Variants in SP2 observed in about 807,000 individuals in gnomAD.
The protein encoded by SP2 is transcription factor Sp2.
Under a neutral mutation model 50.1 loss-of-function variants are expected in SP2, and 9 were observed. The ratio of observed to expected loss-of-function variants is 0.18; its 90% CI spans 0.11 to 0.31. SP2 has a LOEUF of 0.31. Among genes scored for constraint, SP2 ranks in the 10% least tolerant of loss-of-function variants. The pLI, the probability that SP2 is intolerant of heterozygous loss-of-function variation, is 1.00. For synonymous variants in SP2, 313 were observed against 326.6 expected (o/e 0.96, Z 0.45); for missense variants, 581 against 806.5 (o/e 0.72, Z 3.39).
intron 1 of SP2, among the ~76,000 whole-genome samples, chr17:47,910,131 G>A (rs2034925483): frequency 6.6e-6 from 1 of 152,150 alleles, no homozygotes; most frequent in African/African-American, 2.4e-5. Flanking sequence ...GAGCCACCAC[G>A]CCTGGCCAAC....
chr17:47,914,627 G>A (rs2035118315), intron 1 of SP2: 2 of 152,576 alleles, frequency 1.3e-5, no homozygotes, highest in African/African-American at 4.8e-5. Flanking sequence ...AGGAGTTCCA[G>A]TTTAGCTATG....
rs1478100359 is a variant in SP2, at chr17:47,922,989, G to C, written c.1087G>C (p.Val363Leu). 6.2e-7 allele frequency: 1 copy of C among 1,613,850 alleles called. No homozygotes were observed. The highest frequency in any genetic ancestry group is 8.5e-7 in the Non-Finnish European group (1 of 1,179,938). ...CTACATCCGCACGCCTTCCGGTGAG[G>C]TGCAGACAGTCCTTGTCCAGGACAG... ...QVYIRTPSGE[V>L]QTVLVQDSPP... The change falls in exon 4 of 7, where the codon GTG becomes CTG. Residue 363 changes from valine (V) to leucine (L), a missense_variant. Physicochemically the swap from Val to Leu is conservative, Grantham distance 32. Coordinates refer to ENST00000376741, the MANE Select transcript of SP2 (RefSeq NM_003110.6).
Position 47,927,946 on chromosome 17 carries a change from A to C in SP2, c.*122A>C, listed in dbSNP as rs1321775621. ...CCCTCAGCCCCACTCCTGTTCTGCA[A>C]CTGTCCCCACAGGAAGGGGCTCTGT... On this transcript the variant is annotated 3_prime_UTR_variant, in exon 7 of 7. Coordinates refer to ENST00000376741, the MANE Select transcript of SP2 (RefSeq NM_003110.6). The C allele has an allele frequency of 1.5e-6, 1 of 657,666 alleles. No homozygotes were observed. Among genetic ancestry groups the C allele is most frequent in the Admixed American group, 2.4e-5 (1 of 42,546 alleles). 40.7% of individuals were successfully genotyped at this position (657,666 alleles called of 1,614,324 possible). A position where few individuals can be genotyped will look rare whatever the true frequency, so the allele number is the denominator to read the frequency against.
intron 1 of SP2, among the ~76,000 whole-genome samples, chr17:47,903,241 C>T (rs978244026): frequency 2.0e-5 from 3 of 152,174 alleles, no homozygotes; most frequent in Admixed American, 1.3e-4. Context: ...AAGAAAGGTC[C>T]TGAGACAGAG....
rs760428766 is a variant in SP2, at chr17:47,896,237, G to C, written c.-50G>C. 2.4e-6 allele frequency: 3 copies of C among 1,239,146 alleles called. No individual in the cohort carries two copies. Among genetic ancestry groups the C allele is most frequent in the East Asian group, 3.1e-5 (1 of 31,778 alleles). 76.8% of individuals were successfully genotyped at this position (1,239,146 alleles called of 1,614,324 possible). A position where few individuals can be genotyped will look rare whatever the true frequency, so the allele number is the denominator to read the frequency against. On this transcript the variant is annotated 5_prime_UTR_variant, in exon 1 of 7. Transcript: ENST00000376741. ...GGCGGTTGCTTGGCGGGCGGTGTCA[G>C]GCTCTCGGTGGCGGCGGAGGCGGCG... is the stretch of plus-strand genomic sequence containing the variant.
intron 6 of SP2, among the ~76,000 whole-genome samples, chr17:47,926,721 C>T (rs945238217): frequency 6.6e-5 from 10 of 151,456 alleles, no homozygotes; most frequent in African/African-American, 1.5e-4. Context: ...CCTAGGAGTT[C>T]GAGACCAGCC....
intron 1 of SP2, chr17:47,900,218 C>T (rs1001497757): frequency 6.6e-6 from 1 of 152,206 alleles, no homozygotes; most frequent in Non-Finnish European, 1.5e-5. Context: ...TTTCTAGAGC[C>T]TTCTCTTTGG....
Position 47,917,101 on chromosome 17 carries a change from A to T in SP2, c.1030A>T (p.Ile344Phe), listed in dbSNP as rs1423077301. The T allele has an allele frequency of 6.2e-7, 1 of 1,612,282 alleles. No homozygotes were observed. Among genetic ancestry groups the T allele is most frequent in the Non-Finnish European group, 8.5e-7 (1 of 1,179,348 alleles). The change falls in exon 3 of 7, where the codon ATC (isoleucine) becomes TTC (phenylalanine). Residue 344 changes from isoleucine to phenylalanine, a missense_variant. This residue lies in a region of SP2 where 397 missense variants were observed against 491.0 expected (regional missense o/e 0.81). Coordinates refer to ENST00000376741, the MANE Select transcript of SP2 (RefSeq NM_003110.6). Reference sequence around the variant, plus strand: ...CCAGAAGCCCTCCCAGAACTTTCAGATCCAGGCAGCTGAGCCGACACCTAC... The same window carrying T: ...CCAGAAGCCCTCCCAGAACTTTCAGTTCCAGGCAGCTGAGCCGACACCTAC... ...VPQKPSQNFQ[I>F]QAAEPTPTQV... is the part of the protein sequence containing the mutation.
chr17:47,927,551 AAGATAT>A (rs2035699299), intron 6 of SP2, among the ~76,000 whole-genome samples, 167 bp from the exon 7 acceptor site: 1 of 137,764 alleles, frequency 7.3e-6, no homozygotes, highest in Non-Finnish European at 1.6e-5. Flanking sequence ...AAAAAAAAAA[AAGATAT>A]AGATGAGTAA....
chr17:47,912,829 C>A (rs966844848), intron 1 of SP2, among the ~76,000 whole-genome samples: 1 of 151,998 alleles, frequency 6.6e-6, no homozygotes, highest in Admixed American at 6.6e-5. Flanking sequence ...GTGAACGGTT[C>A]TGCTTTCCCA....
In SP2 at chr17:47,923,157, G is replaced by A. The variant is rs772547075; in HGVS notation, c.1255G>A (p.Gly419Arg). 1.3e-5 allele frequency: 21 copies of A among 1,614,080 alleles called. No individual in the cohort carries two copies. The highest frequency in any genetic ancestry group is 2.7e-5 in the African/African-American group (2 of 74,936). The change falls in exon 4 of 7, where the codon GGG becomes AGG. Residue 419 changes from glycine to arginine, a missense_variant. This residue lies in a region of SP2 where 184 missense variants were observed against 315.5 expected (regional missense o/e 0.58). Transcript: ENST00000376741. Reference protein sequence around the residue: ...ERPLPKIAPAGSIISLNAAQL... With the variant: ...ERPLPKIAPARSIISLNAAQL... ...TCCCCTGCCAAAGATTGCCCCAGCC[G>A]GGAGCATCATCAGCCTGAATGCAGC...
At chr17:47,914,240 A>G (rs1168484626) in intron 1 of SP2, among the ~76,000 whole-genome samples, 3 of 152,132 alleles carry the variant, frequency 2.0e-5, no homozygotes, top group African/African-American at 4.8e-5. Context: ...GCATGGTGGT[A>G]CATGCCTGTA....
At chr17:47,905,459 G>A (rs1035219239) in intron 1 of SP2, among the ~76,000 whole-genome samples, 2 of 152,214 alleles carry the variant, frequency 1.3e-5, no homozygotes, top group African/African-American at 4.8e-5. Context: ...AAAAAGCCGA[G>A]TTACCCCCAA....
intron 1 of SP2, among the ~76,000 whole-genome samples, chr17:47,901,391 C>T (rs1014959564): frequency 4.6e-5 from 7 of 151,962 alleles, no homozygotes; most frequent in East Asian, 1.9e-4. Flanking sequence ...GTGATCCATC[C>T]GCCTCAGCCT....
At chr17:47,913,378 T>G (rs2035066567) in intron 1 of SP2, among the ~76,000 whole-genome samples, 1 of 152,130 alleles carries the variant, frequency 6.6e-6, no homozygotes, top group African/African-American at 2.4e-5. Context: ...CTGAGCCTTT[T>G]TGTCTCTTTT....
Position 47,916,545 on chromosome 17 carries a change from C to A in SP2, c.474C>A (p.Ile158=). 1 of 1,614,166 alleles carries A rather than the reference C, an allele frequency of 6.2e-7. No individual in the cohort carries two copies. The highest frequency in any genetic ancestry group is 8.5e-7 in the Non-Finnish European group (1 of 1,180,028). Residue 158 remains isoleucine, a synonymous_variant, in exon 3 of 7, where the codon ATC becomes ATA. Transcript: ENST00000376741. The surrounding 1 kb of genome is among the most constrained non-coding windows in gnomAD (Gnocchi z 4.7). ...CCAATCTCACCAACCAGATCCAGAT[C>A]ATCCCTGGCACCAACCAAGCCATCA... The part of the protein sequence containing the change: ...VQPNLTNQIQ[I]IPGTNQAIIT...
intron 1 of SP2, chr17:47,898,153 T>C (rs1272836666): frequency 6.6e-6 from 1 of 152,262 alleles, no homozygotes; most frequent in Non-Finnish European, 1.5e-5. Context: ...GAGAAAGAGT[T>C]TGGCATCACT....
chr17:47,924,277 A>G (rs1286859812), intron 4 of SP2, among the ~76,000 whole-genome samples: 1 of 152,050 alleles, frequency 6.6e-6, no homozygotes, highest in Non-Finnish European at 1.5e-5. Flanking sequence ...CTGGGACTAC[A>G]GGCATGTAGC....
chr17:47,916,246 C>G lies in SP2; in HGVS notation c.175C>G (p.Pro59Ala). Residue 59 changes from proline to alanine, a missense_variant, in exon 3 of 7, where the codon CCC (proline) becomes GCC (alanine). This residue lies in a region of SP2 where 397 missense variants were observed against 491.0 expected (regional missense o/e 0.81). Coordinates refer to ENST00000376741, the MANE Select transcript of SP2 (RefSeq NM_003110.6). This position sits in a 1 kb window ranked among gnomAD's most constrained non-coding sequence, Gnocchi z 4.7. ...AVEAAVTPPA[P>A]PQPTPRKLVP... ...TGAAGCTGCTGTGACACCTCCTGCT[C>G]CCCCACAGCCCACACCGCGGAAACT... 1 of 1,614,064 alleles carries G rather than the reference C, an allele frequency of 6.2e-7. No individual in the cohort carries two copies. Among genetic ancestry groups the G allele is most frequent in the Non-Finnish European group, 8.5e-7 (1 of 1,180,006 alleles).
Sources: allele counts gnomAD v4.1 joint callset (sites outside exome capture counted in the v4.1 genomes callset), GRCh38; gene constraint gnomAD v4.1.1; regional missense constraint gnomAD v4.1.1; non-coding constraint Gnocchi (gnomAD v3.1); transcripts MANE v1.5; gene names NCBI Gene and HGNC (gene_info 2026-07-23, HGNC 2026-07-21).